Variants in MAPK8 observed in about 807,000 individuals in gnomAD.
The protein encoded by MAPK8 is mitogen-activated protein kinase 8, also known as JUN N-terminal kinase.
A neutral mutation model predicts 52.9 loss-of-function variants in MAPK8; 13 were observed. The observed-to-expected ratio is 0.25, with a 90% CI of 0.16 to 0.39. The LOEUF (loss-of-function observed/expected upper bound fraction) is 0.39. MAPK8 is among the 10% of genes least tolerant of loss of function. The pLI is 1.00. For synonymous variants in MAPK8, 191 were observed against 169.8 expected, an observed-to-expected ratio of 1.12 and a Z score of -0.97; for missense variants, 300 against 519.2, an observed-to-expected ratio of 0.58 and a Z score of 4.10.
chr10:48,355,325 C>T (rs1023197587), intron 1 of MAPK8, among the ~76,000 whole-genome samples: 18 of 152,094 alleles, frequency 1.2e-4, no homozygotes, highest in Admixed American at 2.6e-4. Context: ...CTGGCTAACA[C>T]GGCGAAACCC....
intron 1 of MAPK8, among the ~76,000 whole-genome samples, chr10:48,348,104 G>T (rs929926224): frequency 9.9e-5 from 15 of 152,178 alleles, no homozygotes; most frequent in Non-Finnish European, 1.5e-5. Context: ...GCGTGAAATG[G>T]TATCTTGTGG....
intron 7 of MAPK8, chr10:48,425,415 T>G (rs1025658672): frequency 4.5e-6 from 2 of 445,254 alleles, no homozygotes; most frequent in African/African-American, 4.0e-5. Context: ...GCCTTTATTT[T>G]TATTACAACT....
Position 48,424,455 on chromosome 10 carries a change from C to CTTT in MAPK8, c.688+305_688+307dup, listed in dbSNP as rs556280520. 1.2e-4 allele frequency: 105 copies of CTTT among 894,500 alleles called. No individual in the cohort carries two copies. In the African/African-American group the frequency reaches 1.6e-3, roughly 14 times the overall value. The allele number at this position is 894,500 out of a possible 1,614,324, so 55.4% of individuals were successfully genotyped here. A position where few individuals can be genotyped will look rare whatever the true frequency, so the allele number is the denominator to read the frequency against. Reference sequence around the variant, plus strand: ...ATGGTGTGTGTGATTTTATTTCTTTCTTTTTTTTTTTATTTTAACCAAAAT... The same window carrying CTTT: ...ATGGTGTGTGTGATTTTATTTCTTTCTTTTTTTTTTTTTTATTTTAACCAAAAT... On this transcript the variant is annotated intron_variant, in intron 7 of 11. Coordinates refer to ENST00000374189, the MANE Select transcript of MAPK8 (RefSeq NM_001323329.2).
intron 1 of MAPK8, among the ~76,000 whole-genome samples, chr10:48,342,521 A>G (rs1447505375): frequency 6.6e-6 from 1 of 152,260 alleles, no homozygotes; most frequent in East Asian, 1.9e-4. Flanking sequence ...ATAAGAAAAC[A>G]TAATTTTGTT....
chr10:48,401,313 TTTAA>T (rs139502803), intron 1 of MAPK8, among the ~76,000 whole-genome samples: 1 of 152,312 alleles, frequency 6.6e-6, no homozygotes, highest in African/African-American at 2.4e-5. Flanking sequence ...CATGTTTAAT[TTTAA>T]TTATTTGCTT....
chr10:48,404,378 G>C (rs1006261517), intron 2 of MAPK8, among the ~76,000 whole-genome samples: 3 of 151,354 alleles, frequency 2.0e-5, no homozygotes, highest in African/African-American at 7.3e-5. Context: ...GGATGGTCTC[G>C]ATCTCCTGAC....
chr10:48,309,059 C>G (rs1398596167), intron 1 of MAPK8, among the ~76,000 whole-genome samples: 1 of 152,062 alleles, frequency 6.6e-6, no homozygotes, highest in Non-Finnish European at 1.5e-5. Context: ...ATTGCTTTAC[C>G]TAGTTAGGGT....
At chr10:48,334,549 G>A (rs558405492) in intron 1 of MAPK8, among the ~76,000 whole-genome samples, 43 of 152,210 alleles carry the variant, frequency 2.8e-4, no homozygotes, top group African/African-American at 1.0e-3. Context: ...GCTTTTCTCC[G>A]TATGTCACCT....
intron 1 of MAPK8, among the ~76,000 whole-genome samples, chr10:48,372,348 G>T (rs1311052410): frequency 6.6e-6 from 1 of 152,052 alleles, no homozygotes; most frequent in Non-Finnish European, 1.5e-5. Flanking sequence ...CACCAGCAAG[G>T]CAACAAAACT....
At chr10:48,406,697 C>T (rs892839367) in intron 3 of MAPK8, among the ~76,000 whole-genome samples, 1 of 152,180 alleles carries the variant, frequency 6.6e-6, no homozygotes, top group Admixed American at 6.5e-5. Flanking sequence ...CAATTTCATC[C>T]TCTGTACAGA....
rs543529367 is a variant in MAPK8 at position 48,347,214 on chromosome 10, C to T, written c.-50+40393C>T. 5.9e-5 allele frequency among the ~76,000 whole-genome samples: 9 copies of T among 152,170 alleles called. No homozygotes were observed. The South Asian group carries it at 1.9e-3, about 32-fold the overall frequency. Reference sequence around the variant, plus strand: ...GGCATTTTTTCCACCAGAGCAATGTCAAAGGAAGCTTACTATAATGGAATA... The same window carrying T: ...GGCATTTTTTCCACCAGAGCAATGTTAAAGGAAGCTTACTATAATGGAATA... On this transcript the variant is annotated intron_variant, in intron 1 of 11. Coordinates refer to ENST00000374189, the MANE Select transcript of MAPK8 (RefSeq NM_001323329.2).
chr10:48,307,671 A>G (rs1841530760), intron 1 of MAPK8, among the ~76,000 whole-genome samples: 1 of 152,216 alleles, frequency 6.6e-6, no homozygotes, highest in Non-Finnish European at 1.5e-5. Flanking sequence ...TGTTGACTAC[A>G]TGGCATTGTC....
chr10:48,379,433 A>G (rs1212692010), intron 1 of MAPK8, among the ~76,000 whole-genome samples: 1 of 152,240 alleles, frequency 6.6e-6, no homozygotes, highest in African/African-American at 2.4e-5. Flanking sequence ...CTTACAAAAC[A>G]AAGAAAATAT....
At chr10:48,364,750 A>G (rs1847879306) in intron 1 of MAPK8, among the ~76,000 whole-genome samples, 1 of 152,202 alleles carries the variant, frequency 6.6e-6, no homozygotes, top group Admixed American at 6.5e-5. Flanking sequence ...TGGCAGAAAC[A>G]TTTGTAATAT....
intron 1 of MAPK8, among the ~76,000 whole-genome samples, chr10:48,366,563 A>G (rs1411586804): frequency 6.6e-6 from 1 of 152,200 alleles, no homozygotes; most frequent in East Asian, 1.9e-4. Context: ...AAGCTAGAGT[A>G]CAGTTAATAG....
At chr10:48,398,157 TAAA>T (rs548346197) in intron 1 of MAPK8, among the ~76,000 whole-genome samples, 45 of 151,934 alleles carry the variant, frequency 3.0e-4, no homozygotes, top group Non-Finnish European at 5.4e-4. Context: ...TATTTCAAAA[TAAA>T]AAGACATTGT....
chr10:48,416,390 T>C (rs980047046), intron 5 of MAPK8, among the ~76,000 whole-genome samples: 1 of 152,138 alleles, frequency 6.6e-6, no homozygotes, highest in African/African-American at 2.4e-5. Flanking sequence ...AACTCGGAAA[T>C]GTGGGGAGAG....
At chr10:48,349,285 C>T (rs1184880368) in intron 1 of MAPK8, among the ~76,000 whole-genome samples, 6 of 152,136 alleles carry the variant, frequency 3.9e-5, no homozygotes, top group African/African-American at 9.7e-5. Flanking sequence ...TAATAGACAT[C>T]GATAGAACTC....
intron 1 of MAPK8, among the ~76,000 whole-genome samples, chr10:48,384,908 G>T (rs1450347688): frequency 1.3e-5 from 2 of 152,182 alleles, no homozygotes; most frequent in Non-Finnish European, 2.9e-5. Context: ...CAAGGTTGAG[G>T]ACTGCAGCCT....
Sources: allele counts gnomAD v4.1 joint callset (sites outside exome capture counted in the v4.1 genomes callset), GRCh38; gene constraint gnomAD v4.1.1; transcripts MANE v1.5; gene names NCBI Gene and HGNC (gene_info 2026-07-23, HGNC 2026-07-21).